GFI1B: variants seen among roughly 807,000 people sequenced by gnomAD.
The protein encoded by GFI1B is zinc finger protein Gfi-1b.
A neutral mutation model predicts 35.3 loss-of-function variants in GFI1B; 20 were observed. The observed-to-expected ratio is 0.57, with a 90% CI of 0.40 to 0.82. The LOEUF (loss-of-function observed/expected upper bound fraction) is 0.82, where lower values mean the gene tolerates loss of function less well. Ranked by LOEUF, GFI1B falls within the 40% of genes least tolerant of loss-of-function variation. GFI1B has a pLI of 0.00. For synonymous variants in GFI1B, 178 were observed against 177.6 expected (o/e 1.00, Z -0.02); for missense variants, 430 against 446.3 (o/e 0.96, Z 0.33).
At chr9:132,956,680 C>A (rs1478350850) in intron 1 of GFI1B, among the ~76,000 whole-genome samples, 2 of 152,354 alleles carry the variant, frequency 1.3e-5, no homozygotes, top group African/African-American at 4.8e-5. Flanking sequence ...CATTAGTTGT[C>A]TATTGCTGTG....
At chr9:132,957,867 G>T (rs896800339) in intron 1 of GFI1B, among the ~76,000 whole-genome samples, 1 of 152,186 alleles carries the variant, frequency 6.6e-6, no homozygotes, top group Non-Finnish European at 1.5e-5. Context: ...ACTAATGTCA[G>T]CCAACAGGCA....
Position 132,989,216 on chromosome 9 carries a change from C to G in GFI1B, c.648+18C>G, listed in dbSNP as rs75585698. 2.9e-4 allele frequency: 472 copies of G among 1,606,196 alleles called. 4 individuals carry two copies. In the East Asian group the frequency reaches 9.6e-3, roughly 33 times the overall value. ...ACTCCCAGGTGGGCACCTGGCCCAG[C>G]GCAGGACTCCCAGCCCCACTCCTTC... On this transcript the variant is annotated intron_variant, in intron 5 of 6. Coordinates refer to ENST00000372122, the MANE Select transcript of GFI1B (RefSeq NM_001377304.1). The surrounding 1 kb of genome is among the most constrained non-coding windows in gnomAD (Gnocchi z 6.2).
chr9:132,950,695 A>G lies in GFI1B; in HGVS notation c.-701+5026A>G, dbSNP rs775093604. ...ACGCACTATACACACTATGCACTAC[A>G]CTATACTATACACTACACTACACTA... is the stretch of plus-strand genomic sequence containing the variant. On this transcript the variant is annotated intron_variant, in intron 1 of 10. Coordinates refer to the GFI1B transcript ENST00000339463. 8.7e-5 allele frequency among the ~76,000 whole-genome samples: 7 copies of G among 80,900 alleles called. 1 individual carries two copies. Among genetic ancestry groups the G allele is most frequent in the Non-Finnish European group, 1.8e-4 (7 of 38,468 alleles). 53.1% of individuals were successfully genotyped at this position (80,900 alleles called of 152,430 possible). A position where few individuals can be genotyped will look rare whatever the true frequency, so the allele number is the denominator to read the frequency against.
Position 132,989,530 on chromosome 9 carries a change from T to C in GFI1B, c.649-212T>C. ...AACGAACATTTATTGAGGTTTATTT[T>C]GAGCGGGATACCGTGAAGATTACAA... On this transcript the variant is annotated intron_variant, in intron 5 of 6. Transcript: ENST00000372122. The surrounding 1 kb of genome is among the most constrained non-coding windows in gnomAD (Gnocchi z 6.2). 1 of 603,200 alleles carries C rather than the reference T, an allele frequency of 1.7e-6. No individual in the cohort carries two copies. 37.4% of individuals were successfully genotyped at this position (603,200 alleles called of 1,614,324 possible).
In GFI1B at chr9:132,989,294, C is replaced by T. The variant is rs1028704023; in HGVS notation, c.648+96C>T. 2.4e-6 allele frequency: 3 copies of T among 1,241,074 alleles called. No individual in the cohort carries two copies. 76.9% of individuals were successfully genotyped at this position (1,241,074 alleles called of 1,614,324 possible). A position where few individuals can be genotyped will look rare whatever the true frequency, so the allele number is the denominator to read the frequency against. ...CTGTGGCTGGGTCCCTCCCCCTGCC[C>T]CTGGGGGTGACACAGATTGGGAGGG... On this transcript the variant is annotated intron_variant, in intron 5 of 6. Transcript: ENST00000372122. The surrounding 1 kb of genome is among the most constrained non-coding windows in gnomAD (Gnocchi z 6.2).
chr9:132,978,238 G>GTAA (rs1848691309), upstream of GFI1B, among the ~76,000 whole-genome samples: 3 of 149,890 alleles, frequency 2.0e-5, no homozygotes, highest in African/African-American at 7.4e-5. Context: ...AGGAAAATAA[G>GTAA]GAAGGGAAGG....
intron 1 of GFI1B, among the ~76,000 whole-genome samples, chr9:132,970,744 C>T (rs1342389967): frequency 6.6e-6 from 1 of 152,146 alleles, no homozygotes; most frequent in Non-Finnish European, 1.5e-5. Context: ...CCTGTCTGGC[C>T]CAGGGTAAGC....
intron 3 of GFI1B, 57 bp from the exon 4 acceptor site, chr9:132,988,140 T>G: frequency 1.9e-6 from 3 of 1,549,164 alleles, no homozygotes; most frequent in African/African-American, 2.7e-5. Flanking sequence ...GCCACGCCAC[T>G]GTGCCCAACC....
At chr9:132,959,336 A>G (rs879487117) in intron 1 of GFI1B, among the ~76,000 whole-genome samples, 2 of 152,068 alleles carry the variant, frequency 1.3e-5, no homozygotes, top group Non-Finnish European at 2.9e-5. Context: ...GAAGAAGGAC[A>G]TGTTTGCTTC....
At chr9:132,974,718 C>T (rs1848596018), upstream of GFI1B, among the ~76,000 whole-genome samples, 1 of 151,352 alleles carries the variant, frequency 6.6e-6, no homozygotes, top group South Asian at 2.1e-4. Flanking sequence ...GGAGGTCCTA[C>T]TTTAGTTGAA....
In GFI1B at chr9:132,972,952, G is replaced by C. The variant is rs547195728; in HGVS notation, c.-679+206G>C. On this transcript the variant is annotated intron_variant, in intron 2 of 10. Coordinates refer to the GFI1B transcript ENST00000339463. ...AGAGGTCCGTAGCCGCCGATGACCAGGTGGACGTTTCCTACTTGGCCTGCT... is the reference window on the plus strand; with the variant it reads ...AGAGGTCCGTAGCCGCCGATGACCACGTGGACGTTTCCTACTTGGCCTGCT... Among the ~76,000 whole-genome samples, 10 of 152,356 alleles carry C rather than the reference G, an allele frequency of 6.6e-5. No homozygotes were observed. The South Asian group carries it at 2.1e-3, about 32-fold the overall frequency.
At chr9:132,979,873 T>C (rs1409123051) in intron 1 of GFI1B, among the ~76,000 whole-genome samples, 2 of 152,138 alleles carry the variant, frequency 1.3e-5, no homozygotes, top group African/African-American at 4.8e-5. Flanking sequence ...CACGAGTTCT[T>C]AGGGAGTAAA....
chr9:132,966,569 A>G (rs956156194), intron 1 of GFI1B, among the ~76,000 whole-genome samples: 2 of 152,220 alleles, frequency 1.3e-5, no homozygotes, highest in African/African-American at 4.8e-5. Flanking sequence ...TTGGAAGAAT[A>G]ATAGTTTTGA....
At position 132,988,304 on chromosome 9, in the gene GFI1B, G is replaced by A. The variant is rs1204188537; in HGVS notation, c.346G>A (p.Gly116Ser). Residue 116 changes from glycine to serine, a missense_variant, in exon 4 of 7, where the codon GGC (glycine) becomes AGC (serine). Gly to Ser is a moderately conservative substitution (Grantham distance 56). Coordinates refer to ENST00000372122, the MANE Select transcript of GFI1B (RefSeq NM_001377304.1). ...CTGGGACACCTTGGCCACAACCTAT[G>A]GCCACAGCTACCGGCAGGCCCCCTC... The part of the protein sequence containing the change: ...FSWDTLATTY[G>S]HSYRQAPSTM... 6 of 1,614,014 alleles carry A rather than the reference G, an allele frequency of 3.7e-6. No individual in the cohort carries two copies. The African/African-American group carries it at 4.0e-5, about 11-fold the overall frequency.
chr9:132,972,290 C>T (rs180950294), intron 1 of GFI1B, among the ~76,000 whole-genome samples: 6 of 152,146 alleles, frequency 3.9e-5, no homozygotes, highest in South Asian at 2.1e-4. Flanking sequence ...GGCGTGGTGG[C>T]GGGCGCCTGT....
Position 132,990,975 on chromosome 9 carries a change from T to C in GFI1B, c.918T>C (p.Cys306=). The change falls in exon 7 of 7, where the codon TGT becomes TGC. Residue 306 remains cysteine, a synonymous_variant. Coordinates refer to ENST00000372122, the MANE Select transcript of GFI1B (RefSeq NM_001377304.1). The part of the protein sequence containing the change: ...RKHTGFKPFS[C]ELCTKGFQRK... ...ACACAGGCTTCAAGCCCTTCAGCTG[T>C]GAGCTGTGCACCAAAGGCTTCCAGC... 3 of 1,614,202 alleles carry C rather than the reference T, an allele frequency of 1.9e-6. No homozygotes were observed. The highest frequency in any genetic ancestry group is 2.2e-5 in the East Asian group (1 of 44,886).
chr9:132,986,530 G>GTGT, intron 1 of GFI1B, 129 bp from the exon 2 acceptor site: 1 of 690,258 alleles, frequency 1.4e-6, no homozygotes, highest in South Asian at 1.5e-5. Context: ...GGTTCTGGGT[G>GTGT]GACATGAACT....
chr9:132,980,601 C>A (rs577245998), intron 1 of GFI1B, among the ~76,000 whole-genome samples: 3 of 152,336 alleles, frequency 2.0e-5, no homozygotes, highest in African/African-American at 7.2e-5. Context: ...GGCTGTGCAA[C>A]CATCACCACC....
rs11243971 is a variant in GFI1B at position 132,991,453 on chromosome 9, C to G, written c.*403C>G. The stretch of plus-strand genomic sequence containing the variant: ...GGACCTGGTCACCTTGGATTTTAGC[C>G]GGCCTCTTTCTGGCTATAACAGGCA... On this transcript the variant is annotated 3_prime_UTR_variant, in exon 7 of 7. Transcript: ENST00000372122. 0.032 allele frequency: 7,021 copies of G among 222,096 alleles called. 495 individuals are homozygous for G. The highest frequency in any genetic ancestry group is 0.14 in the African/African-American group (6,149 of 43,682). 13.8% of individuals were successfully genotyped at this position (222,096 alleles called of 1,614,324 possible). A position where few individuals can be genotyped will look rare whatever the true frequency, so the allele number is the denominator to read the frequency against.
Sources: gnomAD v4.1 joint callset for allele counts (sites outside exome capture counted in the v4.1 genomes callset) on GRCh38, gnomAD v4.1.1 for gene constraint, Gnocchi (gnomAD v3.1) non-coding constraint, MANE v1.5 for transcripts, NCBI Gene and HGNC (gene_info 2026-07-23, HGNC 2026-07-21) for gene names.